The following PRKG1 variants were observed in gnomAD, a reference collection of about 807,000 sequenced individuals.
PRKG1 encodes cGMP-dependent protein kinase 1.
PRKG1 carries 35 observed loss-of-function variants against 88.1 expected under a neutral mutation model. The ratio of observed to expected loss-of-function variants is 0.40; its 90% CI spans 0.30 to 0.53. PRKG1 has a LOEUF of 0.53. Ranked by LOEUF, PRKG1 falls within the 20% of genes least tolerant of loss-of-function variation. The pLI is 0.59. For missense variants in PRKG1, 540 were observed against 839.8 expected (o/e 0.64, Z 4.41); for synonymous variants, 303 against 292.5 (o/e 1.04, Z -0.37).
chr10:51,763,947 A>G (rs1838090769), intron 3 of PRKG1, among the ~76,000 whole-genome samples: 1 of 152,166 alleles, frequency 6.6e-6, no homozygotes, highest in African/African-American at 2.4e-5. Context: ...TAATCCATTA[A>G]TCTACTAACC....
intron 5 of PRKG1, among the ~76,000 whole-genome samples, chr10:51,986,260 A>G (rs1844155235): frequency 6.6e-6 from 1 of 152,224 alleles, no homozygotes; most frequent in Non-Finnish European, 1.5e-5. Context: ...AGTTTCTGAA[A>G]CTAGGAATTA....
chr10:51,938,419 G>C (rs1842840051), intron 5 of PRKG1, among the ~76,000 whole-genome samples: 1 of 152,016 alleles, frequency 6.6e-6, no homozygotes, highest in South Asian at 2.1e-4. Context: ...CTATGGATAA[G>C]AGGGGGTCAT....
chr10:51,802,977 C>T (rs980118306), intron 3 of PRKG1, among the ~76,000 whole-genome samples: 4 of 152,120 alleles, frequency 2.6e-5, no homozygotes, highest in African/African-American at 9.7e-5. Context: ...CAACTGTGCT[C>T]TTGTTTATGT....
intron 7 of PRKG1, among the ~76,000 whole-genome samples, chr10:52,076,078 A>G (rs1341156588): frequency 6.6e-6 from 1 of 152,258 alleles, no homozygotes; most frequent in Non-Finnish European, 1.5e-5. Flanking sequence ...TGTTGAAACA[A>G]TTGAAAATCC....
intron 3 of PRKG1, among the ~76,000 whole-genome samples, chr10:51,521,332 A>G (rs1038305920): frequency 6.6e-6 from 1 of 152,228 alleles, no homozygotes; most frequent in Non-Finnish European, 1.5e-5. Flanking sequence ...TGTCCGACAC[A>G]TAGCAGTTAC....
chr10:51,318,226 T>A (rs1347988587), intron 2 of PRKG1, among the ~76,000 whole-genome samples: 1 of 152,162 alleles, frequency 6.6e-6, no homozygotes, highest in Non-Finnish European at 1.5e-5. Flanking sequence ...GAAATTTATG[T>A]TTCTTAGCCT....
intron 3 of PRKG1, among the ~76,000 whole-genome samples, chr10:51,775,275 A>T (rs1445789477): frequency 6.6e-6 from 1 of 152,138 alleles, no homozygotes; most frequent in African/African-American, 2.4e-5. Context: ...GTGCACAAAT[A>T]CTATAGCGGT....
intron 5 of PRKG1, among the ~76,000 whole-genome samples, chr10:51,953,078 G>T (rs1467114508): frequency 6.6e-6 from 1 of 152,098 alleles, no homozygotes; most frequent in East Asian, 1.9e-4. Flanking sequence ...CTATGTTTAA[G>T]TTAAAATTTG....
chr10:52,035,702 C>T (rs1408938445), intron 5 of PRKG1, among the ~76,000 whole-genome samples: 6 of 152,094 alleles, frequency 3.9e-5, no homozygotes, highest in Admixed American at 6.5e-5. Flanking sequence ...AGAGTGGGTA[C>T]AGCTGAAGGA....
At chr10:51,215,716 C>T (rs1407552592) in intron 2 of PRKG1, among the ~76,000 whole-genome samples, 1 of 152,220 alleles carries the variant, frequency 6.6e-6, no homozygotes, top group African/African-American at 2.4e-5. Flanking sequence ...TTCTTCCCTT[C>T]CACCTTCCAC....
intron 3 of PRKG1, among the ~76,000 whole-genome samples, chr10:51,707,833 G>A (rs1274909927): frequency 6.6e-6 from 1 of 152,152 alleles, no homozygotes; most frequent in Non-Finnish European, 1.5e-5. Context: ...CATTATCACA[G>A]TTGAATGATC....
intron 8 of PRKG1, among the ~76,000 whole-genome samples, chr10:52,141,158 A>T (rs892797945): frequency 1.3e-5 from 2 of 152,120 alleles, no homozygotes; most frequent in Non-Finnish European, 2.9e-5. Context: ...CTTCTCAAAA[A>T]ATGTGTATTA....
intron 2 of PRKG1, among the ~76,000 whole-genome samples, chr10:51,222,310 C>T (rs909757970): frequency 2.0e-5 from 3 of 152,116 alleles, no homozygotes; most frequent in Non-Finnish European, 2.9e-5. Flanking sequence ...TTGAGGAAAG[C>T]AGTCTGCCTC....
rs925022562 is a variant in PRKG1 at position 52,193,368 on chromosome 10, A to T, written c.1076+31405A>T. Among the ~76,000 whole-genome samples, 6 of 149,932 alleles carry T rather than the reference A, an allele frequency of 4.0e-5. No homozygotes were observed. The East Asian group carries it at 1.2e-3, about 29-fold the overall frequency. ...GAGACCAGCCTGGCCAAACATGGTG[A>T]AACTCCATCTCTACTAAAAATACAA... On this transcript the variant is annotated intron_variant, in intron 9 of 17. Coordinates refer to ENST00000373980, the MANE Select transcript of PRKG1 (RefSeq NM_006258.4).
At chr10:52,266,865 C>T (rs1252427972) in intron 10 of PRKG1, among the ~76,000 whole-genome samples, 1 of 151,972 alleles carries the variant, frequency 6.6e-6, no homozygotes, top group East Asian at 1.9e-4. Flanking sequence ...AGCCTGTACA[C>T]CTAGGAGATT....
At position 51,212,803 on chromosome 10, in the gene PRKG1, C is replaced by A. The variant is rs954644562; in HGVS notation, c.478+59473C>A. Among the ~76,000 whole-genome samples the A allele has an allele frequency of 6.8e-4, 103 of 152,200 alleles. 1 individual carries two copies. Among genetic ancestry groups the A allele is most frequent in the East Asian group, 7.7e-4 (4 of 5,168 alleles). On this transcript the variant is annotated intron_variant, in intron 2 of 17. Transcript: ENST00000373980. ...CACCAGTTAGAATGGCGATCATTAACAAGTCAGGAAACAACAGGTGCTGGA... is the reference window on the plus strand; with the variant it reads ...CACCAGTTAGAATGGCGATCATTAAAAAGTCAGGAAACAACAGGTGCTGGA...
intron 2 of PRKG1, among the ~76,000 whole-genome samples, chr10:51,178,317 A>T (rs879393722): frequency 5.3e-5 from 8 of 152,202 alleles, no homozygotes; most frequent in Non-Finnish European, 1.2e-4. Context: ...CTACAATTCT[A>T]TAATATCCTC....
chr10:51,701,900 T>C (rs920832305), intron 3 of PRKG1, among the ~76,000 whole-genome samples: 1 of 152,180 alleles, frequency 6.6e-6, no homozygotes, highest in Admixed American at 6.6e-5. Context: ...CAGATTCTGC[T>C]TTATCAGGTC....
chr10:51,959,077 G>A (rs958360000), intron 5 of PRKG1, among the ~76,000 whole-genome samples: 1 of 152,064 alleles, frequency 6.6e-6, no homozygotes, highest in Non-Finnish European at 1.5e-5. Flanking sequence ...AAATCTTAAG[G>A]TTACTTAGTG....
Sources: gnomAD v4.1 joint callset for allele counts (sites outside exome capture counted in the v4.1 genomes callset) on GRCh38, gnomAD v4.1.1 for gene constraint, MANE v1.5 for transcripts, NCBI Gene and HGNC (gene_info 2026-07-23, HGNC 2026-07-21) for gene names.